Variants in SPAG16 observed in about 807,000 individuals in gnomAD.
The protein encoded by SPAG16 is sperm-associated antigen 16 protein.
In SPAG16, 86 loss-of-function variants were observed where a neutral mutation model predicts 80.4. That is an observed-to-expected ratio of 1.07 (90% CI 0.90 to 1.28). SPAG16 has a LOEUF of 1.28. Ranked by LOEUF, SPAG16 falls within the 50% of genes most tolerant of loss-of-function variation. The pLI is 0.00. For missense variants in SPAG16, 870 were observed against 765.3 expected, an observed-to-expected ratio of 1.14 and a Z score of -1.61; for synonymous variants, 294 against 265.9, an observed-to-expected ratio of 1.11 and a Z score of -1.03.
chr2:214,387,521 C>A (rs1470240937), intron 15 of SPAG16, among the ~76,000 whole-genome samples: 2 of 152,104 alleles, frequency 1.3e-5, no homozygotes, highest in South Asian at 2.1e-4. Context: ...ATTCTAAATA[C>A]CTTTTGGTGC....
intron 15 of SPAG16, among the ~76,000 whole-genome samples, chr2:214,187,586 A>G (rs144707213): frequency 9.2e-5 from 14 of 152,238 alleles, no homozygotes; most frequent in African/African-American, 3.4e-4. Flanking sequence ...CCCTAGCTTG[A>G]ACGGAAGCTG....
At chr2:213,686,787 A>G (rs1166711796) in intron 10 of SPAG16, among the ~76,000 whole-genome samples, 3 of 147,466 alleles carry the variant, frequency 2.0e-5, no homozygotes, top group Non-Finnish European at 4.5e-5. Flanking sequence ...CCTGGGCTCA[A>G]GCGATTCTGC....
chr2:213,595,238 A>G (rs1665939674), intron 10 of SPAG16, among the ~76,000 whole-genome samples: 1 of 152,194 alleles, frequency 6.6e-6, no homozygotes, highest in Admixed American at 6.5e-5. Flanking sequence ...ATTCTAACCT[A>G]TGAACTTTTC....
At chr2:214,201,570 T>C (rs1189074107) in intron 15 of SPAG16, among the ~76,000 whole-genome samples, 1 of 152,216 alleles carries the variant, frequency 6.6e-6, no homozygotes, top group Non-Finnish European at 1.5e-5. Flanking sequence ...AAACATTTCA[T>C]ATATTTAAAT....
At chr2:213,629,826 A>C (rs1272208355) in intron 10 of SPAG16, among the ~76,000 whole-genome samples, 1 of 152,244 alleles carries the variant, frequency 6.6e-6, no homozygotes, top group African/African-American at 2.4e-5. Flanking sequence ...CTCGCTGTCT[A>C]ATGTAAAGTC....
intron 15 of SPAG16, among the ~76,000 whole-genome samples, chr2:214,397,924 G>A (rs1237653209): frequency 2.0e-5 from 3 of 152,070 alleles, no homozygotes; most frequent in Non-Finnish European, 2.9e-5. Flanking sequence ...GTAGTTCTCC[G>A]TATGCACTCT....
chr2:213,333,557 C>G (rs985640849), intron 5 of SPAG16, among the ~76,000 whole-genome samples: 23 of 152,012 alleles, frequency 1.5e-4, no homozygotes, highest in African/African-American at 5.6e-4. Context: ...CTATCCTAAG[C>G]AAAGAGAACA....
chr2:214,065,015 G>T (rs1376164220), intron 13 of SPAG16, among the ~76,000 whole-genome samples: 3 of 151,718 alleles, frequency 2.0e-5, no homozygotes, highest in African/African-American at 7.3e-5. Flanking sequence ...TATTTCTACT[G>T]TGCTAAGAGC....
intron 5 of SPAG16, among the ~76,000 whole-genome samples, chr2:213,319,355 T>G (rs2063525224): frequency 1.3e-5 from 2 of 151,948 alleles, no homozygotes; most frequent in African/African-American, 4.8e-5. Flanking sequence ...ATGATATCAT[T>G]TATTCAAGTA....
Position 214,380,113 on chromosome 2 carries a change from G to A in SPAG16, c.1721-30027G>A, listed in dbSNP as rs139026481. 2.5e-3 allele frequency among the ~76,000 whole-genome samples: 387 copies of A among 152,240 alleles called. 2 individuals carry two copies. The highest frequency in any genetic ancestry group is 0.013 in the East Asian group (69 of 5,180). ...GGTAAGAGCAGGATGGTGAGATGGT[G>A]GTGAAGTGCACTAGATTTATGTCAT... On this transcript the variant is annotated intron_variant, in intron 15 of 15. Coordinates refer to ENST00000331683, the MANE Select transcript of SPAG16 (RefSeq NM_024532.5).
At chr2:213,952,813 T>C (rs1391349216) in intron 12 of SPAG16, among the ~76,000 whole-genome samples, 1 of 152,086 alleles carries the variant, frequency 6.6e-6, no homozygotes, top group Non-Finnish European at 1.5e-5. Flanking sequence ...AATATGGGTG[T>C]CAAGTCTTTA....
intron 15 of SPAG16, among the ~76,000 whole-genome samples, chr2:214,266,667 C>A (rs187094498): frequency 6.6e-5 from 10 of 151,666 alleles, no homozygotes; most frequent in African/African-American, 2.4e-4. Context: ...TGTGTACTGA[C>A]AACATGATGT....
intron 15 of SPAG16, among the ~76,000 whole-genome samples, chr2:214,390,185 A>G (rs1006586290): frequency 2.6e-5 from 4 of 152,094 alleles, no homozygotes; most frequent in Non-Finnish European, 5.9e-5. Context: ...TACAGTTTCA[A>G]TATTATACCT....
intron 9 of SPAG16, among the ~76,000 whole-genome samples, chr2:213,416,871 G>C (rs1262092790): frequency 6.6e-6 from 1 of 152,234 alleles, no homozygotes; most frequent in Non-Finnish European, 1.5e-5. Context: ...AAACATAGGA[G>C]CAAGGGAAAA....
In SPAG16 at chr2:213,608,256, G is replaced by C. The variant is rs1007727919; in HGVS notation, c.1070+118166G>C. ...TGTTACATATGTATACATGTGCCAT[G>C]TTGGTGTGCTGCACCCATTAACTCG... On this transcript the variant is annotated intron_variant, in intron 10 of 15. Transcript: ENST00000331683. Among the ~76,000 whole-genome samples the C allele has an allele frequency of 5.3e-5, 8 of 152,268 alleles. No individual in the cohort carries two copies. The Middle Eastern group carries it at 0.01, about 194-fold the overall frequency.
At chr2:214,024,140 C>T (rs1478489069) in intron 13 of SPAG16, among the ~76,000 whole-genome samples, 2 of 151,318 alleles carry the variant, frequency 1.3e-5, no homozygotes, top group Non-Finnish European at 3.0e-5. Flanking sequence ...GTTGAGACAC[C>T]ATGTTGTACT....
chr2:213,328,826 G>A (rs1022475574), intron 5 of SPAG16, among the ~76,000 whole-genome samples: 5 of 152,134 alleles, frequency 3.3e-5, no homozygotes, highest in Non-Finnish European at 7.4e-5. Context: ...TGGTTTGGCT[G>A]TGTCCCCACC....
At chr2:214,383,902 C>G (rs1292972267) in intron 15 of SPAG16, among the ~76,000 whole-genome samples, 1 of 125,768 alleles carries the variant, frequency 8.0e-6, no homozygotes, top group East Asian at 2.3e-4. Context: ...GCTGTTGCAA[C>G]AATTCATGGA....
chr2:213,646,226 A>G (rs948070598), intron 10 of SPAG16, among the ~76,000 whole-genome samples: 4 of 151,732 alleles, frequency 2.6e-5, no homozygotes, highest in Non-Finnish European at 4.4e-5. Context: ...TGCTCACCTG[A>G]TTTCTGGTTC....
Sources: gnomAD v4.1 joint callset for allele counts (sites outside exome capture counted in the v4.1 genomes callset) on GRCh38, gnomAD v4.1.1 for gene constraint, MANE v1.5 for transcripts, NCBI Gene and HGNC (gene_info 2026-07-23, HGNC 2026-07-21) for gene names.